Variants in PDLIM5 observed in about 807,000 individuals in gnomAD.
The protein encoded by PDLIM5 is PDZ and LIM domain 5.
Under a neutral mutation model 64.2 loss-of-function variants are expected in PDLIM5, and 34 were observed. The ratio of observed to expected loss-of-function variants is 0.53; its 90% CI spans 0.40 to 0.71. The LOEUF is 0.71. Ranked by LOEUF, PDLIM5 falls within the 30% of genes least tolerant of loss-of-function variation. The probability of loss-of-function intolerance (pLI) is 0.00; values close to 1 mark genes in which losing one functional copy is unlikely to be tolerated. For synonymous variants in PDLIM5, 253 were observed against 269.1 expected (o/e 0.94, Z 0.59); for missense variants, 683 against 733.6 (o/e 0.93, Z 0.80).
intron 7 of PDLIM5, among the ~76,000 whole-genome samples, chr4:94,593,739 C>T (rs1736854153): frequency 6.6e-6 from 1 of 152,168 alleles, no homozygotes; most frequent in Non-Finnish European, 1.5e-5. Flanking sequence ...CCATAACATA[C>T]ACTAACTGTC....
chr4:94,577,581 C>CT lies in PDLIM5; in HGVS notation c.710+1569dup, dbSNP rs11349007. Among the ~76,000 whole-genome samples, 850 of 106,822 alleles carry CT rather than the reference C, an allele frequency of 8.0e-3. 4 individuals are homozygous for CT. The highest frequency in any genetic ancestry group is 0.018 in the African/African-American group (524 of 28,398). The allele number at this position is 106,822 out of a possible 152,430, so 70.1% of individuals were successfully genotyped here. On this transcript the variant is annotated intron_variant, in intron 5 of 12. Transcript: ENST00000317968. ...GTGTTCAGGAGTGTTTGGTCGTAAT[C>CT]TTTTTTTTTTTTTTTTTTTTTTAGT...
chr4:94,499,233 C>G (rs957669136), intron 2 of PDLIM5, among the ~76,000 whole-genome samples: 1 of 152,036 alleles, frequency 6.6e-6, no homozygotes, highest in African/African-American at 2.4e-5. Context: ...ACAATAACCA[C>G]AGGTCTTTAT....
At chr4:94,616,708 G>T (rs532992139) in intron 7 of PDLIM5, among the ~76,000 whole-genome samples, 1 of 152,246 alleles carries the variant, frequency 6.6e-6, no homozygotes, top group South Asian at 2.1e-4. Flanking sequence ...ACAGGTTTTA[G>T]TTTTTTAAGT....
chr4:94,464,705 T>C (rs572889499), intron 2 of PDLIM5, among the ~76,000 whole-genome samples: 1 of 152,340 alleles, frequency 6.6e-6, no homozygotes, highest in African/African-American at 2.4e-5. Context: ...TTTATGCTAC[T>C]CACTTGCAAA....
At chr4:94,521,915 CT>C (rs1729864404) in intron 2 of PDLIM5, among the ~76,000 whole-genome samples, 1 of 152,072 alleles carries the variant, frequency 6.6e-6, no homozygotes. Context: ...TTTACTTTCT[CT>C]CATTACAAAG....
In PDLIM5 at chr4:94,530,951, C is replaced by T. The variant is rs144650955; in HGVS notation, c.248+7076C>T. Among the ~76,000 whole-genome samples the T allele has an allele frequency of 4.9e-4, 75 of 152,278 alleles. 1 individual carries two copies. Among genetic ancestry groups the T allele is most frequent in the South Asian group, 1.4e-3 (7 of 4,828 alleles). Reference sequence around the variant, plus strand: ...ATGGGTTCAACTCTGCTGTTTCTTTCACCAATAGAATAGAGGCAGGAGTTT... The same window carrying T: ...ATGGGTTCAACTCTGCTGTTTCTTTTACCAATAGAATAGAGGCAGGAGTTT... On this transcript the variant is annotated intron_variant, in intron 3 of 12. Coordinates refer to ENST00000317968, the MANE Select transcript of PDLIM5 (RefSeq NM_006457.5).
intron 2 of PDLIM5, among the ~76,000 whole-genome samples, chr4:94,497,083 T>A (rs1727470014): frequency 6.6e-6 from 1 of 152,224 alleles, no homozygotes; most frequent in Non-Finnish European, 1.5e-5. Context: ...TGAATTGTGA[T>A]CTAAGAATTG....
At chr4:94,453,119 G>A (rs1454191696) in intron 1 of PDLIM5, among the ~76,000 whole-genome samples, 1 of 152,106 alleles carries the variant, frequency 6.6e-6, no homozygotes, top group Non-Finnish European at 1.5e-5. Context: ...CTAGAGCAAA[G>A]ACATTGTTTA....
intron 7 of PDLIM5, among the ~76,000 whole-genome samples, chr4:94,614,796 T>C (rs1011550779): frequency 3.3e-5 from 5 of 152,156 alleles, no homozygotes; most frequent in African/African-American, 1.2e-4. Flanking sequence ...TGAAATTTCT[T>C]TAGCTTATAT....
At chr4:94,577,579 A>C (rs1370054089) in intron 5 of PDLIM5, among the ~76,000 whole-genome samples, 2 of 131,780 alleles carry the variant, frequency 1.5e-5, no homozygotes, top group East Asian at 2.2e-4. Context: ...TTTGGTCGTA[A>C]TCTTTTTTTT....
intron 7 of PDLIM5, among the ~76,000 whole-genome samples, chr4:94,617,558 G>A (rs1167387535): frequency 6.6e-6 from 1 of 150,596 alleles, no homozygotes; most frequent in Non-Finnish European, 1.5e-5. Flanking sequence ...TGTAATCCCA[G>A]TGCTTTCGGA....
At chr4:94,539,047 A>G (rs1244618688) in intron 3 of PDLIM5, among the ~76,000 whole-genome samples, 1 of 152,208 alleles carries the variant, frequency 6.6e-6, no homozygotes, top group Admixed American at 6.5e-5. Context: ...CCTAGTTTAG[A>G]GGGATTCCAT....
chr4:94,644,107 A>C (rs1741213548), intron 9 of PDLIM5, among the ~76,000 whole-genome samples: 1 of 152,232 alleles, frequency 6.6e-6, no homozygotes, highest in Admixed American at 6.5e-5. Context: ...TATATAATGT[A>C]ATTTTCAGAT....
At chr4:94,486,346 A>G (rs1353879599) in intron 2 of PDLIM5, among the ~76,000 whole-genome samples, 1 of 152,230 alleles carries the variant, frequency 6.6e-6, no homozygotes, top group Non-Finnish European at 1.5e-5. Context: ...AGATAAGAGA[A>G]AGATCTTTTG....
At chr4:94,565,175 G>A (rs1734207771) in intron 3 of PDLIM5, among the ~76,000 whole-genome samples, 1 of 152,180 alleles carries the variant, frequency 6.6e-6, no homozygotes, top group Admixed American at 6.5e-5. Context: ...TTCTGGTAAT[G>A]CAGAAGGCCA....
At chr4:94,454,510 A>T (rs1723151123) in intron 1 of PDLIM5, among the ~76,000 whole-genome samples, 1 of 152,312 alleles carries the variant, frequency 6.6e-6, no homozygotes, top group African/African-American at 2.4e-5. Flanking sequence ...AATCTTATTC[A>T]CTGAGTGGCA....
intron 3 of PDLIM5, among the ~76,000 whole-genome samples, chr4:94,533,883 A>G (rs1288150771): frequency 1.3e-5 from 2 of 152,232 alleles, no homozygotes; most frequent in Non-Finnish European, 2.9e-5. Context: ...TTACCTGACA[A>G]AGTCAGAAAG....
intron 2 of PDLIM5, among the ~76,000 whole-genome samples, chr4:94,477,647 A>G (rs1391947892): frequency 6.6e-6 from 1 of 152,210 alleles, no homozygotes; most frequent in Non-Finnish European, 1.5e-5. Flanking sequence ...ATTTTGGCTT[A>G]TGGTTTTATG....
rs562430389 is a variant in PDLIM5 at position 94,603,977 on chromosome 4, G to C, written c.921-14027G>C. Among the ~76,000 whole-genome samples the C allele has an allele frequency of 7.2e-5, 11 of 152,228 alleles. No individual in the cohort carries two copies. The South Asian group carries it at 2.3e-3, about 32-fold the overall frequency. ...ATATTAGAGGTATTAATAACTAAAGGGCAATTCAAAATATGGGCTACTGCT... is the reference window on the plus strand; with the variant it reads ...ATATTAGAGGTATTAATAACTAAAGCGCAATTCAAAATATGGGCTACTGCT... On this transcript the variant is annotated intron_variant, in intron 7 of 12. Transcript: ENST00000317968.
Sources: allele counts gnomAD v4.1 joint callset (sites outside exome capture counted in the v4.1 genomes callset), GRCh38; gene constraint gnomAD v4.1.1; transcripts MANE v1.5; gene names NCBI Gene and HGNC (gene_info 2026-07-23, HGNC 2026-07-21).